Variants in PDE10A observed in about 807,000 individuals in gnomAD.
PDE10A encodes the protein cAMP and cAMP-inhibited cGMP 3',5'-cyclic phosphodiesterase 10A.
A neutral mutation model predicts 97.7 loss-of-function variants in PDE10A; 39 were observed. That is an observed-to-expected ratio of 0.40 (90% CI 0.31 to 0.52). The LOEUF (loss-of-function observed/expected upper bound fraction) is 0.52, where lower values mean the gene tolerates loss of function less well. Among genes scored for constraint, PDE10A ranks in the 20% least tolerant of loss-of-function variants. PDE10A has a pLI of 0.56. For synonymous variants in PDE10A, 371 were observed against 376.8 expected, an observed-to-expected ratio of 0.98 and a Z score of 0.18; for missense variants, 731 against 1,047.8, an observed-to-expected ratio of 0.70 and a Z score of 4.17.
At chr6:165,949,806 T>C (rs1025944445) in intron 1 of PDE10A, 1 of 152,090 alleles carries the variant, frequency 6.6e-6, no homozygotes, top group Non-Finnish European at 1.5e-5. Flanking sequence ...CACCAAAAAA[T>C]GGAAAAACGA....
chr6:165,908,945 A>G (rs1211223280), intron 1 of PDE10A: 1 of 152,186 alleles, frequency 6.6e-6, no homozygotes. Flanking sequence ...GCTGCCTCCT[A>G]GAAACTCGGC....
chr6:165,750,577 G>T (rs1281888339), intron 1 of PDE10A, among the ~76,000 whole-genome samples: 1 of 152,180 alleles, frequency 6.6e-6, no homozygotes, highest in Non-Finnish European at 1.5e-5. Context: ...CAATCGCCTC[G>T]TGAGTTCCAC....
intron 1 of PDE10A, among the ~76,000 whole-genome samples, chr6:165,960,208 T>C (rs1784314582): frequency 6.6e-6 from 1 of 151,862 alleles, no homozygotes; most frequent in Non-Finnish European, 1.5e-5. Context: ...TAAAGAAAAC[T>C]AGAATTCTGA....
intron 1 of PDE10A, among the ~76,000 whole-genome samples, chr6:165,740,208 C>A (rs1216617928): frequency 6.6e-6 from 1 of 151,742 alleles, no homozygotes; most frequent in Non-Finnish European, 1.5e-5. Flanking sequence ...ATGAAATGAA[C>A]CTAAGTGTCA....
chr6:165,548,818 G>T (rs1353522834), intron 1 of PDE10A, among the ~76,000 whole-genome samples: 2 of 152,154 alleles, frequency 1.3e-5, no homozygotes, highest in Non-Finnish European at 2.9e-5. Flanking sequence ...GATCAAACAA[G>T]ACAAATGCTT....
At chr6:165,507,025 A>C (rs919419088) in intron 2 of PDE10A, among the ~76,000 whole-genome samples, 11 of 152,134 alleles carry the variant, frequency 7.2e-5, no homozygotes, top group Non-Finnish European at 2.9e-5. Context: ...GAAAAGCACC[A>C]TTTGGTGATC....
intron 1 of PDE10A, among the ~76,000 whole-genome samples, chr6:165,568,329 A>G (rs1016929612): frequency 6.6e-6 from 1 of 152,042 alleles, no homozygotes; most frequent in Non-Finnish European, 1.5e-5. Flanking sequence ...AGTATAGTAT[A>G]CCCACCCTCC....
chr6:165,346,543 C>T (rs1048238288), intron 18 of PDE10A, among the ~76,000 whole-genome samples: 8 of 152,158 alleles, frequency 5.3e-5, no homozygotes, highest in South Asian at 2.1e-4. Flanking sequence ...CTCTCCGCAG[C>T]GTGCATGTTT....
chr6:165,769,597 A>C (rs1777950784), intron 1 of PDE10A, among the ~76,000 whole-genome samples: 1 of 152,228 alleles, frequency 6.6e-6, no homozygotes, highest in Admixed American at 6.5e-5. Context: ...AAAATTCAAC[A>C]AAAGTTTAAT....
Position 165,519,030 on chromosome 6 carries a change from AG to A in PDE10A, c.994+24409del, listed in dbSNP as rs149310913. On this transcript the variant is annotated intron_variant, in intron 2 of 21. Coordinates refer to ENST00000539869, the MANE Select transcript of PDE10A (RefSeq NM_001385079.1). ...AGGGTTTTGAATAAAAAGAAAGATGAGGGTGAGACAATGTTAGTACATTTCT... is the reference window on the plus strand; with the variant it reads ...AGGGTTTTGAATAAAAAGAAAGATGAGGTGAGACAATGTTAGTACATTTCT... 7.8e-4 allele frequency among the ~76,000 whole-genome samples: 119 copies of A among 152,336 alleles called. 2 individuals carry two copies. The East Asian group carries it at 0.021, about 26-fold the overall frequency.
intron 1 of PDE10A, among the ~76,000 whole-genome samples, chr6:165,759,311 A>ACAGGGAAAGTACAAGGC (rs2128457646): frequency 6.6e-6 from 1 of 152,306 alleles, no homozygotes; most frequent in South Asian, 2.1e-4. Context: ...GCTTAGTGAC[A>ACAGGGAAAGTACAAGGC]CAGGGAAAGT....
chr6:165,518,570 TTAA>T (rs1288489154), intron 2 of PDE10A, among the ~76,000 whole-genome samples: 1 of 152,180 alleles, frequency 6.6e-6, no homozygotes, highest in Non-Finnish European at 1.5e-5. Flanking sequence ...CTCACTTTAC[TTAA>T]TAATGACAGT....
intron 1 of PDE10A, among the ~76,000 whole-genome samples, chr6:165,808,426 C>T (rs905169206): frequency 3.9e-5 from 6 of 152,144 alleles, no homozygotes; most frequent in East Asian, 1.9e-4. Context: ...GGCCAGGGAG[C>T]GTGGTGACCT....
intron 1 of PDE10A, among the ~76,000 whole-genome samples, chr6:165,641,233 T>A (rs1255318322): frequency 2.0e-5 from 3 of 152,220 alleles, no homozygotes; most frequent in African/African-American, 4.8e-5. Context: ...AAGGTTTTTT[T>A]AAATCTTTTA....
chr6:165,712,165 C>A (rs1791911132), intron 1 of PDE10A, among the ~76,000 whole-genome samples: 1 of 152,164 alleles, frequency 6.6e-6, no homozygotes, highest in Admixed American at 6.5e-5. Flanking sequence ...TTCTACGATG[C>A]TTTCCAGCAC....
intron 1 of PDE10A, among the ~76,000 whole-genome samples, chr6:165,822,351 C>A (rs1462638077): frequency 1.1e-3 from 75 of 66,116 alleles, no homozygotes; most frequent in Middle Eastern, 0.015. Context: ...GATGGCACAG[C>A]CCAACACACA....
At chr6:165,544,122 T>C (rs1392902140) in intron 1 of PDE10A, among the ~76,000 whole-genome samples, 1 of 152,190 alleles carries the variant, frequency 6.6e-6, no homozygotes, top group Non-Finnish European at 1.5e-5. Flanking sequence ...AACAGGAAAA[T>C]GTAGCACTGA....
intron 2 of PDE10A, among the ~76,000 whole-genome samples, chr6:165,533,598 G>A (rs1162052988): frequency 6.6e-6 from 1 of 151,900 alleles, no homozygotes; most frequent in Non-Finnish European, 1.5e-5. Context: ...TTGCTCATTG[G>A]CATACTAAAT....
At chr6:165,511,363 T>C (rs1300228501) in intron 2 of PDE10A, among the ~76,000 whole-genome samples, 1 of 152,036 alleles carries the variant, frequency 6.6e-6, no homozygotes, top group African/African-American at 2.4e-5. Flanking sequence ...TGACTTCAAG[T>C]TTTATTGTAG....
Sources: allele counts gnomAD v4.1 joint callset (sites outside exome capture counted in the v4.1 genomes callset), GRCh38; gene constraint gnomAD v4.1.1; transcripts MANE v1.5; gene names NCBI Gene and HGNC (gene_info 2026-07-23, HGNC 2026-07-21).